AGBL1: variants seen among roughly 807,000 people sequenced by gnomAD.
AGBL1 encodes the protein AGBL carboxypeptidase 1.
AGBL1 carries 130 observed loss-of-function variants against 118.9 expected under a neutral mutation model. The observed-to-expected ratio is 1.09, with a 90% confidence interval of 0.95 to 1.26. The LOEUF (loss-of-function observed/expected upper bound fraction) is 1.26. Ranked by LOEUF, AGBL1 falls within the 50% of genes most tolerant of loss-of-function variation. The probability of loss-of-function intolerance (pLI) is 0.00; values close to 1 mark genes in which losing one functional copy is unlikely to be tolerated. For missense variants in AGBL1, 1,584 were observed against 1,298.1 expected (o/e 1.22, Z -3.38); for synonymous variants, 555 against 478.9 (o/e 1.16, Z -2.08).
intron 21 of AGBL1, among the ~76,000 whole-genome samples, chr15:86,666,473 TGAA>T (rs2142529724): frequency 1.3e-5 from 2 of 152,272 alleles, no homozygotes; most frequent in South Asian, 4.1e-4. Flanking sequence ...AGTCTTCAAA[TGAA>T]GATAATGTGA....
intron 22 of AGBL1, among the ~76,000 whole-genome samples, chr15:86,720,918 C>T (rs1438565621): frequency 6.6e-6 from 1 of 152,114 alleles, no homozygotes; most frequent in East Asian, 1.9e-4. Flanking sequence ...ATAGATTCCT[C>T]AACACATACA....
chr15:86,336,213 A>T (rs1020172870), intron 17 of AGBL1, among the ~76,000 whole-genome samples: 2 of 152,206 alleles, frequency 1.3e-5, no homozygotes, highest in African/African-American at 4.8e-5. Flanking sequence ...AGAGGTGCCC[A>T]TTCGATGTCT....
intron 22 of AGBL1, among the ~76,000 whole-genome samples, chr15:86,738,418 T>C (rs1430226265): frequency 7.0e-6 from 1 of 143,342 alleles, no homozygotes; most frequent in East Asian, 2.1e-4. Context: ...GCATCCAAAT[T>C]GGAAAAAAAA....
intron 18 of AGBL1, among the ~76,000 whole-genome samples, chr15:86,419,104 G>C (rs1324238210): frequency 2.0e-5 from 3 of 151,802 alleles, no homozygotes; most frequent in East Asian, 3.9e-4. Context: ...TGCATATCTT[G>C]GCACTTTTGT....
chr15:86,303,844 T>C (rs1375502965), intron 17 of AGBL1, among the ~76,000 whole-genome samples: 3 of 152,180 alleles, frequency 2.0e-5, no homozygotes, highest in African/African-American at 4.8e-5. Context: ...ATATGACTAA[T>C]ACCTCACAAC....
intron 22 of AGBL1, among the ~76,000 whole-genome samples, chr15:86,721,405 A>G (rs567860549): frequency 8.5e-5 from 13 of 152,284 alleles, no homozygotes; most frequent in African/African-American, 2.6e-4. Context: ...AAACCATACG[A>G]TTATCTCAAT....
chr15:86,909,675 C>G lies in AGBL1; in HGVS notation c.*2381C>G, dbSNP rs1441067691. 1 of 152,218 alleles carries G rather than the reference C, an allele frequency of 6.6e-6. No individual in the cohort carries two copies. Among genetic ancestry groups the G allele is most frequent in the Non-Finnish European group, 1.5e-5 (1 of 68,040 alleles). 9.4% of individuals were successfully genotyped at this position (152,218 alleles called of 1,614,324 possible). ...GCTCTTAACTCCTCCCATATTTAATCTTTCCACTCTTAAATAAAGGCTAGC... is the reference window on the plus strand; with the variant it reads ...GCTCTTAACTCCTCCCATATTTAATGTTTCCACTCTTAAATAAAGGCTAGC... On this transcript the variant is annotated 3_prime_UTR_variant, in exon 23 of 23. Coordinates refer to ENST00000614907, the MANE Select transcript of AGBL1 (RefSeq NM_001386094.1).
chr15:86,962,938 G>A (rs2081008142), intron 23 of AGBL1, among the ~76,000 whole-genome samples: 1 of 152,096 alleles, frequency 6.6e-6, no homozygotes, highest in African/African-American at 2.4e-5. Flanking sequence ...ATTTCTGCAT[G>A]TAAATTAGAA....
chr15:86,152,348 A>G (rs1191612336), intron 3 of AGBL1, among the ~76,000 whole-genome samples: 6 of 152,232 alleles, frequency 3.9e-5, no homozygotes, highest in African/African-American at 1.4e-4. Flanking sequence ...CAGAGGACTC[A>G]GAAATTACAC....
At chr15:86,410,863 A>T (rs7497850) in intron 18 of AGBL1, among the ~76,000 whole-genome samples, 25 of 68,772 alleles carry the variant, frequency 3.6e-4, no homozygotes, top group South Asian at 2.0e-3. Context: ...TTATATATAA[A>T]ATATATAATA....
At chr15:86,827,403 ATATATGTG>A (rs1228756413) in intron 22 of AGBL1, among the ~76,000 whole-genome samples, 129 of 8,820 alleles carry the variant, frequency 0.015, 3 homozygotes, top group East Asian at 0.1. Context: ...ATATACATAT[ATATATGTG>A]TATATATATA....
chr15:86,712,863 G>A (rs997967746), intron 22 of AGBL1, among the ~76,000 whole-genome samples: 1 of 152,184 alleles, frequency 6.6e-6, no homozygotes, highest in South Asian at 2.1e-4. Flanking sequence ...CTGAACAGAA[G>A]CCTTAAGCAC....
chr15:86,767,403 T>G (rs2078110986), intron 22 of AGBL1, among the ~76,000 whole-genome samples: 1 of 152,052 alleles, frequency 6.6e-6, no homozygotes, highest in South Asian at 2.1e-4. Flanking sequence ...CTTGTTTGAA[T>G]TTCACTTTCT....
At chr15:86,846,084 T>C (rs1417482350) in intron 22 of AGBL1, among the ~76,000 whole-genome samples, 1 of 152,228 alleles carries the variant, frequency 6.6e-6, no homozygotes, top group African/African-American at 2.4e-5. Flanking sequence ...GGATGACAAT[T>C]ACACATATAC....
intron 1 of AGBL1, chr15:86,104,999 C>T (rs964394187): frequency 1.3e-5 from 2 of 152,176 alleles, no homozygotes; most frequent in Non-Finnish European, 2.9e-5. Flanking sequence ...TCCAGGATCC[C>T]AGGTGATCCT....
intron 22 of AGBL1, among the ~76,000 whole-genome samples, chr15:86,803,616 T>G (rs1433633918): frequency 6.6e-6 from 1 of 152,120 alleles, no homozygotes; most frequent in Middle Eastern, 3.2e-3. Context: ...TCTCCTTGAG[T>G]TGTACCTAAT....
rs59554244 is a variant in AGBL1 at position 86,209,071 on chromosome 15, G to A, written c.489-15843G>A. ...TTTATTTCTGCCTTCATTTCATTATGTACCCAGTAGTCATTCAGGAGCAGG... is the reference window on the plus strand; with the variant it reads ...TTTATTTCTGCCTTCATTTCATTATATACCCAGTAGTCATTCAGGAGCAGG... On this transcript the variant is annotated intron_variant, in intron 5 of 22. Coordinates refer to ENST00000614907, the MANE Select transcript of AGBL1 (RefSeq NM_001386094.1). Among the ~76,000 whole-genome samples the A allele has an allele frequency of 9.0e-3, 1,369 of 152,148 alleles. 18 individuals carry two copies. The highest frequency in any genetic ancestry group is 0.032 in the African/African-American group (1,315 of 41,520).
chr15:86,668,542 C>T (rs770494812), intron 21 of AGBL1, among the ~76,000 whole-genome samples: 15 of 152,102 alleles, frequency 9.9e-5, no homozygotes, highest in Non-Finnish European at 2.1e-4. Flanking sequence ...TTCAGAGTGG[C>T]CCCCTTTTAT....
At chr15:86,094,297 CT>C (rs1193310447) in intron 1 of AGBL1, among the ~76,000 whole-genome samples, 1 of 152,018 alleles carries the variant, frequency 6.6e-6, no homozygotes, top group African/African-American at 2.4e-5. Context: ...TTGTAGCAGC[CT>C]TTGGCATTGA....
Sources: allele counts gnomAD v4.1 joint callset (sites outside exome capture counted in the v4.1 genomes callset), GRCh38; gene constraint gnomAD v4.1.1; transcripts MANE v1.5; gene names NCBI Gene and HGNC (gene_info 2026-07-23, HGNC 2026-07-21).